Variants in YAE1 observed in about 807,000 individuals in gnomAD.
The protein encoded by YAE1 is YAE1 maturation factor of ABCE1, also known as protein YAE1 homolog.
Under a neutral mutation model 23.0 loss-of-function variants are expected in YAE1, and 22 were observed. The ratio of observed to expected loss-of-function variants is 0.96; its 90% CI spans 0.68 to 1.37. YAE1 has a LOEUF of 1.37. Among genes scored for constraint, YAE1 ranks in the 40% most tolerant of loss-of-function variants. The pLI is 0.00. For synonymous variants in YAE1, 101 were observed against 97.0 expected, an observed-to-expected ratio of 1.04 and a Z score of -0.24; for missense variants, 260 against 262.1, an observed-to-expected ratio of 0.99 and a Z score of 0.06.
In YAE1 at chr7:39,572,800, C is replaced by T. The variant is rs1009375392; in HGVS notation, c.*94C>T. 4 of 1,472,616 alleles carry T rather than the reference C, an allele frequency of 2.7e-6. No homozygotes were observed. The African/African-American group carries it at 5.7e-5, about 21-fold the overall frequency. The allele number at this position is 1,472,616 out of a possible 1,614,324, so 91.2% of individuals were successfully genotyped here. On this transcript the variant is annotated 3_prime_UTR_variant, in exon 3 of 3. Transcript: ENST00000223273. ...CTGGTTTCTGCATCAAACACCTCAA[C>T]TGTAGGGTTACCCTTTATGGAAGTT...
intron 2 of YAE1, among the ~76,000 whole-genome samples, chr7:39,590,734 A>G (rs1366327746): frequency 6.6e-6 from 1 of 152,210 alleles, no homozygotes; most frequent in Non-Finnish European, 1.5e-5. Context: ...CAGATCTGGA[A>G]CTTTCCACCT....
intron 2 of YAE1, among the ~76,000 whole-genome samples, chr7:39,579,196 T>A (rs933921938): frequency 5.3e-5 from 8 of 152,216 alleles, no homozygotes; most frequent in African/African-American, 1.9e-4. Flanking sequence ...GCAGAGCTGC[T>A]TTTATGCCCA....
intron 2 of YAE1, among the ~76,000 whole-genome samples, chr7:39,589,939 G>A (rs1172977274): frequency 2.0e-5 from 3 of 152,200 alleles, no homozygotes; most frequent in African/African-American, 4.8e-5. Flanking sequence ...CTCACCGAAA[G>A]TCCCTTTCCA....
At chr7:39,577,237 G>A (rs1201736876), downstream of YAE1, among the ~76,000 whole-genome samples, 4 of 152,252 alleles carry the variant, frequency 2.6e-5, no homozygotes, top group Non-Finnish European at 5.9e-5. Context: ...CATTTTGCAT[G>A]TTAATAAAAA....
intron 2 of YAE1, among the ~76,000 whole-genome samples, chr7:39,606,072 A>G (rs1416462281): frequency 6.6e-6 from 1 of 151,900 alleles, no homozygotes. Flanking sequence ...AATTCTCTCC[A>G]GAAAACCACT....
At chr7:39,575,773 T>C (rs1163287177), downstream of YAE1, among the ~76,000 whole-genome samples, 1 of 152,196 alleles carries the variant, frequency 6.6e-6, no homozygotes, top group Non-Finnish European at 1.5e-5. Flanking sequence ...TAATTTCTCA[T>C]GCACTCTCCA....
chr7:39,593,405 G>T lies in YAE1; in HGVS notation c.252-16212G>T, dbSNP rs538587089. ...TTACCATGTAGGCCAGTGCCACCAC[G>T]CCCAGCTAATTTTTGTATTTTTAGT... On this transcript the variant is annotated intron_variant, in intron 2 of 2. Transcript: ENST00000432096. Among the ~76,000 whole-genome samples the T allele has an allele frequency of 2.0e-5, 3 of 151,836 alleles. No homozygotes were observed. In the East Asian group the frequency reaches 5.8e-4, roughly 29 times the overall value.
chr7:39,583,377 G>T (rs1001531598), intron 2 of YAE1, among the ~76,000 whole-genome samples: 1 of 114,984 alleles, frequency 8.7e-6, no homozygotes, highest in East Asian at 2.5e-4. Context: ...TTACAAAACA[G>T]GGGTAACTCT....
chr7:39,586,810 T>G (rs886720539), intron 2 of YAE1, among the ~76,000 whole-genome samples: 1 of 152,222 alleles, frequency 6.6e-6, no homozygotes, highest in Non-Finnish European at 1.5e-5. Context: ...AACTATGATT[T>G]CTTGAGGGCT....
At chr7:39,585,416 A>T (rs1790800568) in intron 2 of YAE1, among the ~76,000 whole-genome samples, 1 of 152,156 alleles carries the variant, frequency 6.6e-6, no homozygotes, top group South Asian at 2.1e-4. Flanking sequence ...ATGCTCATAT[A>T]CGGAGGAAAA....
intron 2 of YAE1, among the ~76,000 whole-genome samples, chr7:39,596,135 G>A (rs1790969147): frequency 6.6e-6 from 1 of 152,146 alleles, no homozygotes; most frequent in Non-Finnish European, 1.5e-5. Flanking sequence ...TTATCACGTG[G>A]AACAGTTGAA....
downstream of YAE1, among the ~76,000 whole-genome samples, chr7:39,574,733 CAAA>C (rs574580885): frequency 1.0e-4 from 8 of 78,076 alleles, no homozygotes; most frequent in East Asian, 8.3e-4. Flanking sequence ...ACTCTGTCTC[CAAA>C]AAAAAAAAAA....
chr7:39,569,414 T>A, intron 1 of YAE1: 1 of 473,396 alleles, frequency 2.1e-6, no homozygotes, highest in African/African-American at 2.0e-5. Context: ...GAGTGTTGTG[T>A]TATGGCATTC....
At chr7:39,603,430 G>A (rs369382453) in intron 2 of YAE1, among the ~76,000 whole-genome samples, 2 of 152,180 alleles carry the variant, frequency 1.3e-5, no homozygotes, top group Non-Finnish European at 1.5e-5. Context: ...GAGCCACCGC[G>A]CCCGGCTCAT....
chr7:39,603,858 G>A (rs913182486), intron 2 of YAE1, among the ~76,000 whole-genome samples: 10 of 152,180 alleles, frequency 6.6e-5, no homozygotes, highest in African/African-American at 2.4e-4. Flanking sequence ...TGGATTTGGA[G>A]AAAGTCATTC....
chr7:39,596,164 T>C (rs1163892063), intron 2 of YAE1, among the ~76,000 whole-genome samples: 2 of 152,102 alleles, frequency 1.3e-5, no homozygotes, highest in African/African-American at 2.4e-5. Flanking sequence ...AAATAAAATC[T>C]TACCAGATTT....
downstream of YAE1, among the ~76,000 whole-genome samples, chr7:39,574,449 TC>T (rs1790622907): frequency 6.6e-6 from 1 of 151,892 alleles, no homozygotes; most frequent in African/African-American, 2.4e-5. Flanking sequence ...ATGAAAAAAA[TC>T]CGCTGGGTGC....
At chr7:39,594,776 A>C (rs1397536689) in intron 2 of YAE1, among the ~76,000 whole-genome samples, 1 of 151,988 alleles carries the variant, frequency 6.6e-6, no homozygotes, top group Non-Finnish European at 1.5e-5. Context: ...TTGTATTTTT[A>C]GTAGAGATGG....
At chr7:39,602,172 G>A (rs1199868954) in intron 2 of YAE1, among the ~76,000 whole-genome samples, 1 of 152,162 alleles carries the variant, frequency 6.6e-6, no homozygotes, top group Non-Finnish European at 1.5e-5. Context: ...CAGTCAGAAA[G>A]AACATAAGAA....
Sources: allele counts gnomAD v4.1 joint callset (sites outside exome capture counted in the v4.1 genomes callset), GRCh38; gene constraint gnomAD v4.1.1; transcripts MANE v1.5; gene names NCBI Gene and HGNC (gene_info 2026-07-23, HGNC 2026-07-21).